Variants in DMC1 observed in about 807,000 individuals in gnomAD.
DMC1 encodes the protein DNA meiotic recombinase 1.
DMC1 carries 27 observed loss-of-function variants against 50.1 expected under a neutral mutation model. The ratio of observed to expected loss-of-function variants is 0.54; its 90% CI spans 0.40 to 0.74. The LOEUF is 0.74. Ranked by LOEUF, DMC1 falls within the 30% of genes least tolerant of loss-of-function variation. DMC1 has a pLI of 0.00. For synonymous variants in DMC1, 148 were observed against 136.1 expected, an observed-to-expected ratio of 1.09 and a Z score of -0.61; for missense variants, 295 against 420.2, an observed-to-expected ratio of 0.70 and a Z score of 2.60.
chr22:38,555,956 C>T (rs1297040777), intron 5 of DMC1, among the ~76,000 whole-genome samples: 6 of 151,820 alleles, frequency 4.0e-5, no homozygotes, highest in Admixed American at 2.0e-4. Context: ...CTCAGCCTCA[C>T]GAGTAGCTGG....
intron 12 of DMC1, among the ~76,000 whole-genome samples, chr22:38,528,022 C>A (rs912448860): frequency 2.6e-5 from 4 of 151,456 alleles, no homozygotes; most frequent in African/African-American, 9.7e-5. Context: ...AATAAAAAGA[C>A]TTTACCTCTT....
chr22:38,509,359 C>G, the DMC1 span, among the ~76,000 whole-genome samples: 1 of 152,158 alleles, frequency 6.6e-6, no homozygotes, highest in Non-Finnish European at 1.5e-5. Flanking sequence ...TTCCCCCGCT[C>G]CATGTGTCCG....
Position 38,538,421 on chromosome 22 carries a change from T to A in DMC1, c.661-12A>T, listed in dbSNP as rs1238626971. Reference sequence around the variant, plus strand: ...ATTGAATCGATAATCTACACAGGATTAATGTAAAAATAAACATGCATTTGG... The same window carrying A: ...ATTGAATCGATAATCTACACAGGATAAATGTAAAAATAAACATGCATTTGG... On this transcript the variant is annotated splice_polypyrimidine_tract_variant and intron_variant, in intron 10 of 13. Transcript: ENST00000216024. 1 of 1,612,804 alleles carries A rather than the reference T, an allele frequency of 6.2e-7. No homozygotes were observed. The highest frequency in any genetic ancestry group is 1.1e-5 in the South Asian group (1 of 91,056).
chr22:38,556,583 T>G (rs953838062), intron 5 of DMC1, among the ~76,000 whole-genome samples: 29 of 152,324 alleles, frequency 1.9e-4, no homozygotes, highest in Admixed American at 3.9e-4. Context: ...AGCATACATT[T>G]AATTGGTAGC....
intron 2 of DMC1, among the ~76,000 whole-genome samples, 200 bp downstream of exon 2, chr22:38,568,003 CTGT>C (rs2090598154): frequency 2.0e-5 from 3 of 152,196 alleles, no homozygotes; most frequent in African/African-American, 7.2e-5. Flanking sequence ...GCCATACCAG[CTGT>C]TAAGTCATTA....
Position 38,549,992 on chromosome 22 carries a change from C to T in DMC1, c.427G>A (p.Ala143Thr). The T allele has an allele frequency of 6.2e-7, 1 of 1,612,592 alleles. No homozygotes were observed. The highest frequency in any genetic ancestry group is 8.5e-7 in the Non-Finnish European group (1 of 1,178,882). ...TAGCCACCAGCTCCTGGAAGTTGAG[C>T]TGTCACTAGGAAGCAATTAAAAATT... ...TQLSHTLCVT[A>T]QLPGAGGYPG... The change falls in exon 8 of 14, where the codon GCT becomes ACT. Residue 143 changes from alanine to threonine, a missense_variant. Ala to Thr is a moderately conservative substitution (Grantham distance 58). Coordinates refer to ENST00000216024, the MANE Select transcript of DMC1 (RefSeq NM_007068.4).
intron 5 of DMC1, among the ~76,000 whole-genome samples, chr22:38,557,646 C>G (rs1442012794): frequency 6.6e-6 from 1 of 152,068 alleles, no homozygotes; most frequent in Non-Finnish European, 1.5e-5. Flanking sequence ...GCCTGGGTGA[C>G]AGAGTGAGAC....
chr22:38,566,810 TTC>T, intron 3 of DMC1, 74 bp from the exon 4 acceptor site: 2 of 1,493,102 alleles, frequency 1.3e-6, no homozygotes, highest in Non-Finnish European at 1.9e-6. Flanking sequence ...TGTCATGTGT[TTC>T]TGTGTCCATC....
the DMC1 span, among the ~76,000 whole-genome samples, chr22:38,510,089 C>T: frequency 6.6e-6 from 1 of 152,090 alleles, no homozygotes; most frequent in South Asian, 2.1e-4. Flanking sequence ...ATGGCGCATG[C>T]CTGTAGCTAC....
At chr22:38,560,455 C>A (rs1468926343) in intron 5 of DMC1, among the ~76,000 whole-genome samples, 1 of 149,970 alleles carries the variant, frequency 6.7e-6, no homozygotes, top group Non-Finnish European at 1.5e-5. Flanking sequence ...TGAGCCACTG[C>A]ATTCCAGCCT....
chr22:38,535,019 G>T (rs1408983477), intron 12 of DMC1, among the ~76,000 whole-genome samples: 3 of 151,064 alleles, frequency 2.0e-5, no homozygotes, highest in African/African-American at 4.9e-5. Context: ...AAAAAAAGAG[G>T]CTGGGCACAG....
In DMC1 at chr22:38,538,592, G is replaced by A; in HGVS notation, c.607C>T (p.Leu203Phe). 6.2e-7 allele frequency: 1 copy of A among 1,613,970 alleles called. No homozygotes were observed. Among genetic ancestry groups the A allele is most frequent in the Non-Finnish European group, 8.5e-7 (1 of 1,179,934 alleles). Reference sequence around the variant, plus strand: ...TGGAACTTTGCTGCTACATAATCAAGTAGCTCCATCTGATGTTCACCTGAT... The same window carrying A: ...TGGAACTTTGCTGCTACATAATCAAATAGCTCCATCTGATGTTCACCTGAT... ...AYTSEHQMELLDYVAAKFHEE... is the reference protein window; with the variant it reads ...AYTSEHQMELFDYVAAKFHEE... The change falls in exon 10 of 14, where the codon CTT (leucine) becomes TTT (phenylalanine). Residue 203 changes from leucine (L) to phenylalanine (F), a missense_variant. Coordinates refer to ENST00000216024, the MANE Select transcript of DMC1 (RefSeq NM_007068.4).
chr22:38,520,888 T>G (rs576186628), intron 13 of DMC1, among the ~76,000 whole-genome samples: 4 of 151,982 alleles, frequency 2.6e-5, no homozygotes, highest in East Asian at 1.9e-4. Flanking sequence ...TTTTGTTTTT[T>G]TTTTTTGAGA....
At chr22:38,552,544 T>G (rs1480227571) in intron 7 of DMC1, 122 bp downstream of exon 7, 12 of 784,296 alleles carry the variant, frequency 1.5e-5, no homozygotes, top group Middle Eastern at 3.4e-4. Context: ...TTAATCTGCC[T>G]GTGTTTTAGT....
At chr22:38,549,590 C>T in intron 8 of DMC1, 1 of 224,172 alleles carries the variant, frequency 4.5e-6, no homozygotes, top group Non-Finnish European at 8.9e-6. Context: ...CCCCACTGGA[C>T]TCCAGCCTGG....
At chr22:38,533,665 A>G (rs2090180497) in intron 12 of DMC1, among the ~76,000 whole-genome samples, 1 of 152,204 alleles carries the variant, frequency 6.6e-6, no homozygotes, top group African/African-American at 2.4e-5. Flanking sequence ...TAATTAATTT[A>G]CTCTAATTAA....
At chr22:38,560,399 A>C (rs1231680777) in intron 5 of DMC1, among the ~76,000 whole-genome samples, 1 of 152,028 alleles carries the variant, frequency 6.6e-6, no homozygotes, top group African/African-American at 2.4e-5. Flanking sequence ...ATGGGAGAGG[A>C]CTTTGGCTTC....
intron 6 of DMC1, among the ~76,000 whole-genome samples, chr22:38,554,618 G>A (rs2090449550): frequency 2.6e-5 from 4 of 151,196 alleles, no homozygotes; most frequent in Admixed American, 2.6e-4. Flanking sequence ...TGGGAGGATT[G>A]CTTGAGTCCA....
chr22:38,534,720 G>T (rs1038208457), intron 12 of DMC1, among the ~76,000 whole-genome samples: 2 of 151,058 alleles, frequency 1.3e-5, no homozygotes, highest in African/African-American at 2.4e-5. Flanking sequence ...AAACAAACAC[G>T]ACTGAGTGCG....
Sources: allele counts gnomAD v4.1 joint callset (sites outside exome capture counted in the v4.1 genomes callset), GRCh38; gene constraint gnomAD v4.1.1; transcripts MANE v1.5; gene names NCBI Gene and HGNC (gene_info 2026-07-23, HGNC 2026-07-21).